The following ARL6 variants were observed in gnomAD, a reference collection of about 807,000 sequenced individuals.
ARL6 encodes the protein ARF like GTPase 6.
A neutral mutation model predicts 27.1 loss-of-function variants in ARL6; 18 were observed. The ratio of observed to expected loss-of-function variants is 0.66; its 90% CI spans 0.46 to 0.98. The LOEUF (loss-of-function observed/expected upper bound fraction) is 0.98. Ranked by LOEUF, ARL6 falls within the 50% of genes least tolerant of loss-of-function variation. The probability of loss-of-function intolerance (pLI) is 0.00; values close to 1 mark genes in which losing one functional copy is unlikely to be tolerated. For missense variants in ARL6, 187 were observed against 214.9 expected (o/e 0.87, Z 0.81); for synonymous variants, 65 against 72.3 (o/e 0.90, Z 0.51).
intron 7 of ARL6, among the ~76,000 whole-genome samples, chr3:97,797,343 A>G (rs1576484090): frequency 1.3e-5 from 2 of 152,224 alleles, no homozygotes; most frequent in East Asian, 3.9e-4. Flanking sequence ...GGGAAAGACA[A>G]TTATTAACTC....
Position 97,790,583 on chromosome 3 carries a change from T to C in ARL6, c.480-1188T>C, listed in dbSNP as rs890849967. On this transcript the variant is annotated intron_variant, in intron 6 of 7. Transcript: ENST00000463745. ...GAGGGGAAGGGTTTCATTGTATTAATTGTTTGGAACTATAGGTGTATGATA... is the reference window on the plus strand; with the variant it reads ...GAGGGGAAGGGTTTCATTGTATTAACTGTTTGGAACTATAGGTGTATGATA... Among the ~76,000 whole-genome samples the C allele has an allele frequency of 6.9e-4, 105 of 152,310 alleles. 1 individual carries two copies. The highest frequency in any genetic ancestry group is 2.5e-3 in the African/African-American group (103 of 41,574).
At position 97,787,937 on chromosome 3, in the gene ARL6, C is replaced by T. The variant is rs75410983; in HGVS notation, c.350-53C>T. On this transcript the variant is annotated intron_variant, in intron 5 of 7. Coordinates refer to ENST00000463745, the MANE Select transcript of ARL6 (RefSeq NM_001278293.3). ...GGGTTTCAGTACTAAAGATTTGCTG[C>T]AAAATGACCTAAAAAGCTGGAAGTG... 15,073 of 1,604,342 alleles carry T rather than the reference C, an allele frequency of 9.4e-3. 94 individuals are homozygous for T. The highest frequency in any genetic ancestry group is 0.011 in the Non-Finnish European group (13,010 of 1,172,814).
intron 5 of ARL6, among the ~76,000 whole-genome samples, chr3:97,785,859 C>T (rs1045029623): frequency 6.6e-6 from 1 of 152,024 alleles, no homozygotes; most frequent in Non-Finnish European, 1.5e-5. Flanking sequence ...CTAGGACTTT[C>T]AGAAAAGGAT....
intron 7 of ARL6, among the ~76,000 whole-genome samples, chr3:97,794,504 G>T (rs1263852685): frequency 6.6e-6 from 1 of 151,838 alleles, no homozygotes; most frequent in Non-Finnish European, 1.5e-5. Context: ...ATGAGCCACC[G>T]CGCCCGGCCA....
chr3:97,774,526 G>C (rs1354907256), intron 2 of ARL6, among the ~76,000 whole-genome samples: 1 of 152,072 alleles, frequency 6.6e-6, no homozygotes, highest in Non-Finnish European at 1.5e-5. Context: ...TGCCACTACT[G>C]GGAATGGGGA....
chr3:97,791,857 C>T (rs747006458), intron 7 of ARL6, 31 bp downstream of exon 7: 1 of 1,579,812 alleles, frequency 6.3e-7, no homozygotes, highest in South Asian at 1.1e-5. Flanking sequence ...TGTCTTCAGC[C>T]TTTGTTTCCT....
rs2038100273 is a variant in ARL6 at position 97,798,358 on chromosome 3, T to C, written c.*309T>C. 1 of 210,292 alleles carries C rather than the reference T, an allele frequency of 4.8e-6. No homozygotes were observed. Among genetic ancestry groups the C allele is most frequent in the Admixed American group, 5.6e-5 (1 of 17,810 alleles). 13.0% of individuals were successfully genotyped at this position (210,292 alleles called of 1,614,324 possible). On this transcript the variant is annotated 3_prime_UTR_variant, in exon 8 of 8. Transcript: ENST00000463745. ...CATCTCATCCCATCATAATTTATGA[T>C]ATGTTTAATATATTTTATTTTTTAA...
At chr3:97,783,657 G>T (rs2037309147) in intron 4 of ARL6, among the ~76,000 whole-genome samples, 6 of 151,644 alleles carry the variant, frequency 4.0e-5, no homozygotes, top group Admixed American at 3.9e-4. Context: ...GTGATAATCA[G>T]CATTATCCTT....
chr3:97,769,908 T>C (rs1313000116), intron 2 of ARL6, among the ~76,000 whole-genome samples: 1 of 152,158 alleles, frequency 6.6e-6, no homozygotes, highest in Non-Finnish European at 1.5e-5. Flanking sequence ...TGTGTATATG[T>C]ACCAAATTTT....
chr3:97,764,845 G>C lies in ARL6; in HGVS notation c.-160G>C, dbSNP rs1264138480. On this transcript the variant is annotated 5_prime_UTR_variant, in exon 1 of 8. Coordinates refer to ENST00000463745, the MANE Select transcript of ARL6 (RefSeq NM_001278293.3). ...TAGAGACGGCTTTGCTCATTACCAGGCATCCTTCCCATGTAGGCATCGAGA... is the reference window on the plus strand; with the variant it reads ...TAGAGACGGCTTTGCTCATTACCAGCCATCCTTCCCATGTAGGCATCGAGA... 3.3e-5 allele frequency: 5 copies of C among 152,214 alleles called. No homozygotes were observed. Among genetic ancestry groups the C allele is most frequent in the Non-Finnish European group, 5.9e-5 (4 of 68,082 alleles). 9.4% of individuals were successfully genotyped at this position (152,214 alleles called of 1,614,324 possible).
At position 97,798,670 on chromosome 3, in the gene ARL6, C is replaced by T. The variant is rs927333032; in HGVS notation, c.*621C>T. The T allele has an allele frequency of 6.6e-6, 1 of 152,130 alleles. No individual in the cohort carries two copies. The highest frequency in any genetic ancestry group is 6.6e-5 in the Admixed American group (1 of 15,238). 9.4% of individuals were successfully genotyped at this position (152,130 alleles called of 1,614,324 possible). A position where few individuals can be genotyped will look rare whatever the true frequency, so the allele number is the denominator to read the frequency against. Reference sequence around the variant, plus strand: ...TATTTATTCAGTGTATGTTGAACATCTCTACACCAACTAGTCAGACATAGT... The same window carrying T: ...TATTTATTCAGTGTATGTTGAACATTTCTACACCAACTAGTCAGACATAGT... On this transcript the variant is annotated 3_prime_UTR_variant, in exon 8 of 8. Transcript: ENST00000463745.
chr3:97,767,984 T>C (rs2036462525), intron 1 of ARL6, 97 bp from the exon 2 acceptor site: 3 of 1,044,436 alleles, frequency 2.9e-6, no homozygotes, highest in Non-Finnish European at 4.3e-6. Context: ...ACTATTATTA[T>C]GTGTATTTAA....
At chr3:97,773,595 A>G (rs2036744195) in intron 2 of ARL6, among the ~76,000 whole-genome samples, 1 of 152,208 alleles carries the variant, frequency 6.6e-6, no homozygotes, top group Non-Finnish European at 1.5e-5. Flanking sequence ...AAATATACCA[A>G]TCCCCAACCC....
At chr3:97,773,653 T>G (rs2036746689) in intron 2 of ARL6, among the ~76,000 whole-genome samples, 2 of 152,228 alleles carry the variant, frequency 1.3e-5, no homozygotes, top group Non-Finnish European at 2.9e-5. Flanking sequence ...GAAATGAAGT[T>G]AATAAATCTT....
intron 6 of ARL6, among the ~76,000 whole-genome samples, chr3:97,790,119 C>T (rs1266585306): frequency 1.4e-5 from 2 of 146,152 alleles, no homozygotes; most frequent in Non-Finnish European, 3.0e-5. Context: ...TACTTGTTTA[C>T]CATCTTGTGG....
At chr3:97,780,270 T>C in intron 3 of ARL6, 50 bp downstream of exon 3, 1 of 1,375,750 alleles carries the variant, frequency 7.3e-7, no homozygotes, top group Non-Finnish European at 1.0e-6. Flanking sequence ...AAAATAACAA[T>C]ATTAGGTCTA....
chr3:97,765,211 GGTGTGTGT>G (rs71113866), intron 1 of ARL6, among the ~76,000 whole-genome samples: 622 of 105,608 alleles, frequency 5.9e-3, no homozygotes, highest in African/African-American at 0.013. Flanking sequence ...GTGTATTGGG[GGTGTGTGT>G]GTGTGTGTGT....
intron 1 of ARL6, among the ~76,000 whole-genome samples, chr3:97,767,120 T>C (rs1022031282): frequency 3.3e-5 from 5 of 152,164 alleles, no homozygotes; most frequent in Admixed American, 6.5e-5. Context: ...TGATAGTTTT[T>C]TTTTAAGTTT....
At chr3:97,793,987 A>G (rs978433848) in intron 7 of ARL6, among the ~76,000 whole-genome samples, 2 of 152,094 alleles carry the variant, frequency 1.3e-5, no homozygotes, top group African/African-American at 4.8e-5. Flanking sequence ...AAAAAATAAA[A>G]TGTGTTATAT....
Sources: allele counts gnomAD v4.1 joint callset (sites outside exome capture counted in the v4.1 genomes callset), GRCh38; gene constraint gnomAD v4.1.1; transcripts MANE v1.5; gene names NCBI Gene and HGNC (gene_info 2026-07-23, HGNC 2026-07-21).